The following PAK1 variants were observed in gnomAD, a reference collection of about 807,000 sequenced individuals.
The protein encoded by PAK1 is serine/threonine-protein kinase PAK 1.
In PAK1, 29 loss-of-function variants were observed where a neutral mutation model predicts 67.4. The ratio of observed to expected loss-of-function variants is 0.43; its 90% confidence interval spans 0.32 to 0.59. The LOEUF (loss-of-function observed/expected upper bound fraction) is 0.59, where lower values mean the gene tolerates loss of function less well. Ranked by LOEUF, PAK1 falls within the 20% of genes least tolerant of loss-of-function variation. The probability of loss-of-function intolerance (pLI) is 0.07; values close to 1 mark genes in which losing one functional copy is unlikely to be tolerated. For synonymous variants in PAK1, 223 were observed against 237.4 expected, an observed-to-expected ratio of 0.94 and a Z score of 0.56; for missense variants, 337 against 670.7, an observed-to-expected ratio of 0.50 and a Z score of 5.50.
intron 2 of PAK1, among the ~76,000 whole-genome samples, chr11:77,386,356 C>T (rs555266194): frequency 6.6e-6 from 1 of 152,300 alleles, no homozygotes; most frequent in South Asian, 2.1e-4. Flanking sequence ...CTAAACTCTT[C>T]CCAAGCTCAG....
At chr11:77,437,696 G>A (rs115629674) in intron 1 of PAK1, among the ~76,000 whole-genome samples, 16 of 151,912 alleles carry the variant, frequency 1.1e-4, no homozygotes, top group African/African-American at 3.6e-4. Context: ...AGACTTATGC[G>A]GTCCAAAATA....
intron 1 of PAK1, among the ~76,000 whole-genome samples, chr11:77,438,194 G>T (rs998384044): frequency 2.0e-5 from 3 of 152,044 alleles, no homozygotes; most frequent in Non-Finnish European, 4.4e-5. Flanking sequence ...GAGGGAAACA[G>T]GCACGTCACA....
chr11:77,375,109 C>T (rs1026503631), intron 4 of PAK1, among the ~76,000 whole-genome samples: 5 of 152,160 alleles, frequency 3.3e-5, no homozygotes, highest in African/African-American at 7.2e-5. Context: ...ATTGTATATG[C>T]GGTCTGTTGT....
chr11:77,334,263 T>C (rs1174523602), intron 13 of PAK1, among the ~76,000 whole-genome samples: 2 of 152,194 alleles, frequency 1.3e-5, no homozygotes, highest in African/African-American at 4.8e-5. Context: ...GCAATTATCA[T>C]CTTCAAATAT....
intron 1 of PAK1, among the ~76,000 whole-genome samples, chr11:77,450,179 AT>A (rs757673271): frequency 1.4e-4 from 22 of 152,250 alleles, no homozygotes; most frequent in Non-Finnish European, 3.1e-4. Flanking sequence ...TATTTACTGA[AT>A]TAATGGCTTA....
intron 4 of PAK1, among the ~76,000 whole-genome samples, chr11:77,377,814 C>T (rs1376403789): frequency 1.3e-5 from 2 of 152,206 alleles, no homozygotes; most frequent in African/African-American, 4.8e-5. Context: ...TCCTTAAACA[C>T]AAACTCTAAT....
At chr11:77,491,024 C>T in the PAK1 span, among the ~76,000 whole-genome samples, 1 of 151,808 alleles carries the variant, frequency 6.6e-6, no homozygotes, top group Non-Finnish European at 1.5e-5. Context: ...CTAGGAAAAC[C>T]AGAGACCTTT....
intron 1 of PAK1, among the ~76,000 whole-genome samples, chr11:77,440,856 C>T (rs1004902420): frequency 1.5e-4 from 22 of 150,824 alleles, no homozygotes; most frequent in African/African-American, 5.0e-4. Context: ...CCCCTCCCAC[C>T]TCTACCTGCT....
At chr11:77,450,058 G>T (rs1956789299) in intron 1 of PAK1, among the ~76,000 whole-genome samples, 1 of 152,172 alleles carries the variant, frequency 6.6e-6, no homozygotes, top group Non-Finnish European at 1.5e-5. Flanking sequence ...CTGCGAAATT[G>T]AAGGCAATAC....
At chr11:77,331,197 C>T (rs1941426438) in intron 14 of PAK1, among the ~76,000 whole-genome samples, 1 of 152,182 alleles carries the variant, frequency 6.6e-6, no homozygotes, top group African/African-American at 2.4e-5. Context: ...GGAGTGTAAA[C>T]TAGTTCAACC....
upstream of PAK1, among the ~76,000 whole-genome samples, chr11:77,478,335 C>A (rs1260120463): frequency 6.6e-6 from 1 of 152,152 alleles, no homozygotes. Context: ...CCTTTTGACA[C>A]GTCCTCATCA....
At chr11:77,449,303 G>A (rs904593247) in intron 1 of PAK1, among the ~76,000 whole-genome samples, 1 of 152,184 alleles carries the variant, frequency 6.6e-6, no homozygotes, top group East Asian at 1.9e-4. Flanking sequence ...AGAAGGCAAC[G>A]ACTTTAAAGG....
chr11:77,332,605 G>A, intron 14 of PAK1, 125 bp downstream of exon 14: 1 of 727,374 alleles, frequency 1.4e-6, no homozygotes, highest in Non-Finnish European at 2.4e-6. Flanking sequence ...GGAACAGAGT[G>A]AGTGTAGGAA....
intron 14 of PAK1, among the ~76,000 whole-genome samples, chr11:77,330,090 C>T (rs532484045): frequency 6.6e-6 from 1 of 151,954 alleles, no homozygotes; most frequent in Non-Finnish European, 1.5e-5. Flanking sequence ...ATGTGAAGGA[C>T]CTCTTCAAGG....
At chr11:77,332,108 T>G (rs1044049140) in intron 14 of PAK1, among the ~76,000 whole-genome samples, 2 of 151,248 alleles carry the variant, frequency 1.3e-5, no homozygotes, top group Non-Finnish European at 2.9e-5. Context: ...TTTGAGACCA[T>G]GCACGGCCAA....
the PAK1 span, among the ~76,000 whole-genome samples, chr11:77,493,445 ATTTTTT>A: frequency 1.4e-5 from 1 of 70,944 alleles, no homozygotes. Flanking sequence ...TGCCCAGCTA[ATTTTTT>A]TTTTTTTTTT....
the PAK1 span, among the ~76,000 whole-genome samples, chr11:77,524,250 G>A: frequency 6.6e-6 from 1 of 152,186 alleles, no homozygotes; most frequent in Admixed American, 6.5e-5. Context: ...CCTGCCTCAT[G>A]TCTGGACTTT....
At chr11:77,520,003 C>G in the PAK1 span, among the ~76,000 whole-genome samples, 2,143 of 84,052 alleles carry the variant, frequency 0.025, 14 homozygotes, top group Middle Eastern at 0.034. Flanking sequence ...TGGCCTGTGG[C>G]CCCCCCCTCC....
chr11:77,521,085 G>A, the PAK1 span, among the ~76,000 whole-genome samples: 506 of 152,266 alleles, frequency 3.3e-3, 2 homozygotes, highest in African/African-American at 0.011. Context: ...ACCTTTATGG[G>A]ACCTTTATGG....
Sources: allele counts gnomAD v4.1 joint callset (sites outside exome capture counted in the v4.1 genomes callset), GRCh38; gene constraint gnomAD v4.1.1; transcripts MANE v1.5; gene names NCBI Gene and HGNC (gene_info 2026-07-23, HGNC 2026-07-21).